CNTNAP2: variants seen among roughly 807,000 people sequenced by gnomAD.
The protein encoded by CNTNAP2 is contactin associated protein 2.
Under a neutral mutation model 155.2 loss-of-function variants are expected in CNTNAP2, and 98 were observed. That is an observed-to-expected ratio of 0.63 (90% CI 0.54 to 0.75). CNTNAP2 has a LOEUF of 0.75. Among genes scored for constraint, CNTNAP2 ranks in the 30% least tolerant of loss-of-function variants. The pLI is 0.00. For synonymous variants in CNTNAP2, 651 were observed against 631.2 expected, an observed-to-expected ratio of 1.03 and a Z score of -0.47; for missense variants, 1,727 against 1,688.1, an observed-to-expected ratio of 1.02 and a Z score of -0.40.
intron 17 of CNTNAP2, among the ~76,000 whole-genome samples, chr7:148,159,695 A>G (rs1325877996): frequency 6.6e-6 from 1 of 152,136 alleles, no homozygotes; most frequent in Non-Finnish European, 1.5e-5. Flanking sequence ...TGAGTCATAG[A>G]GTATGTGTGT....
chr7:146,974,309 G>A, intron 3 of CNTNAP2, among the ~76,000 whole-genome samples: 2 of 151,868 alleles, frequency 1.3e-5, no homozygotes, highest in East Asian at 3.9e-4. Flanking sequence ...GTGGTGGAGG[G>A]CACCTTTAAT....
intron 16 of CNTNAP2, among the ~76,000 whole-genome samples, chr7:148,125,908 G>A (rs1804708752): frequency 6.6e-6 from 1 of 151,796 alleles, no homozygotes; most frequent in Non-Finnish European, 1.5e-5. Flanking sequence ...TCATCATGTT[G>A]GCCAGGCTGG....
chr7:148,401,417 C>A (rs1799579252), intron 22 of CNTNAP2, among the ~76,000 whole-genome samples: 1 of 152,128 alleles, frequency 6.6e-6, no homozygotes, highest in Non-Finnish European at 1.5e-5. Context: ...CAATATTTTA[C>A]AATAACTTTG....
intron 1 of CNTNAP2, among the ~76,000 whole-genome samples, chr7:146,214,715 C>T (rs921152926): frequency 2.6e-5 from 4 of 151,988 alleles, no homozygotes; most frequent in African/African-American, 9.7e-5. Flanking sequence ...CTTTAATTTC[C>T]TTGGATTGTT....
chr7:147,420,121 A>G (rs1797264459), intron 10 of CNTNAP2, among the ~76,000 whole-genome samples: 1 of 152,220 alleles, frequency 6.6e-6, no homozygotes, highest in Admixed American at 6.5e-5. Context: ...ACTTTCTAAG[A>G]TTATAAATTG....
chr7:146,534,246 G>A (rs1218129775), intron 1 of CNTNAP2, among the ~76,000 whole-genome samples: 1 of 152,004 alleles, frequency 6.6e-6, no homozygotes, highest in Non-Finnish European at 1.5e-5. Flanking sequence ...ATTTTTTTCT[G>A]TGGATACTTT....
At chr7:147,556,920 G>C (rs1052426570) in intron 11 of CNTNAP2, among the ~76,000 whole-genome samples, 1 of 152,154 alleles carries the variant, frequency 6.6e-6, no homozygotes, top group African/African-American at 2.4e-5. Context: ...GTAATACACA[G>C]ACAACATTCA....
chr7:146,418,363 T>A (rs1795966267), intron 1 of CNTNAP2, among the ~76,000 whole-genome samples: 1 of 152,180 alleles, frequency 6.6e-6, no homozygotes, highest in Non-Finnish European at 1.5e-5. Flanking sequence ...AGATAATTTT[T>A]AAATTATGAA....
intron 13 of CNTNAP2, among the ~76,000 whole-genome samples, chr7:147,652,134 T>A (rs1795459189): frequency 6.6e-6 from 1 of 152,232 alleles, no homozygotes; most frequent in Non-Finnish European, 1.5e-5. Flanking sequence ...CACCAATGAA[T>A]GATAAGACTT....
chr7:146,976,264 C>T (rs1048936455), intron 3 of CNTNAP2, among the ~76,000 whole-genome samples: 3 of 152,138 alleles, frequency 2.0e-5, no homozygotes, highest in African/African-American at 7.2e-5. Flanking sequence ...AAGTAAGCAA[C>T]CAGTTCTGCA....
chr7:147,118,670 T>A (rs1000748610), intron 5 of CNTNAP2, among the ~76,000 whole-genome samples: 2 of 152,172 alleles, frequency 1.3e-5, no homozygotes, highest in African/African-American at 4.8e-5. Context: ...GCTCCTAGTG[T>A]AGAAATCTGT....
chr7:146,559,506 A>G (rs1351220440), intron 1 of CNTNAP2, among the ~76,000 whole-genome samples: 2 of 151,864 alleles, frequency 1.3e-5, no homozygotes, highest in African/African-American at 4.8e-5. Flanking sequence ...AGTGCGGAGG[A>G]TGCAGGGAGC....
At chr7:147,578,705 A>C (rs10280326) in intron 12 of CNTNAP2, among the ~76,000 whole-genome samples, 104,845 of 151,840 alleles carry the variant, frequency 0.69, 36,767 homozygotes, top group African/African-American at 0.81. Context: ...AATCATTCCT[A>C]AAATAAAAAA....
chr7:146,615,241 A>G (rs1420020991), intron 1 of CNTNAP2, among the ~76,000 whole-genome samples: 2 of 152,220 alleles, frequency 1.3e-5, no homozygotes, highest in African/African-American at 2.4e-5. Flanking sequence ...TCATTAAACT[A>G]AAAAGCTAGA....
At chr7:146,853,936 G>T (rs1794928792) in intron 3 of CNTNAP2, among the ~76,000 whole-genome samples, 1 of 152,096 alleles carries the variant, frequency 6.6e-6, no homozygotes, top group African/African-American at 2.4e-5. Flanking sequence ...TAATAATATT[G>T]AGAAATACTG....
At chr7:147,926,772 GA>G (rs750333907) in intron 14 of CNTNAP2, among the ~76,000 whole-genome samples, 26 of 152,074 alleles carry the variant, frequency 1.7e-4, no homozygotes, top group Admixed American at 7.2e-4. Flanking sequence ...AAATCTACAT[GA>G]AAAAAACAAA....
chr7:148,283,279 G>GCT (rs1369476154), intron 21 of CNTNAP2, among the ~76,000 whole-genome samples: 1 of 103,088 alleles, frequency 9.7e-6, no homozygotes, highest in African/African-American at 3.9e-5. Context: ...AAGAAAGAAA[G>GCT]AAAGAAAGAA....
chr7:146,270,197 G>A (rs534177257), intron 1 of CNTNAP2, among the ~76,000 whole-genome samples: 19 of 152,238 alleles, frequency 1.2e-4, no homozygotes, highest in South Asian at 4.1e-4. Flanking sequence ...TGCCTACAGC[G>A]TAAACTATAG....
At chr7:147,906,723 G>T (rs1799964132) in intron 14 of CNTNAP2, among the ~76,000 whole-genome samples, 1 of 152,160 alleles carries the variant, frequency 6.6e-6, no homozygotes, top group African/African-American at 2.4e-5. Context: ...GCCTCCCAAA[G>T]TGCTGGGATT....
Sources: allele counts gnomAD v4.1 joint callset (sites outside exome capture counted in the v4.1 genomes callset), GRCh38; gene constraint gnomAD v4.1.1; transcripts MANE v1.5; gene names NCBI Gene and HGNC (gene_info 2026-07-23, HGNC 2026-07-21).